Variants in ARHGAP22 observed in about 807,000 individuals in gnomAD.
ARHGAP22 encodes rho GTPase-activating protein 22.
A neutral mutation model predicts 59.1 loss-of-function variants in ARHGAP22; 48 were observed. That is an observed-to-expected ratio of 0.81 (90% CI 0.64 to 1.03). The LOEUF (loss-of-function observed/expected upper bound fraction) is 1.03, where lower values mean the gene tolerates loss of function less well. Among genes scored for constraint, ARHGAP22 ranks in the 50% least tolerant of loss-of-function variants. The probability of loss-of-function intolerance (pLI) is 0.00; values close to 1 mark genes in which losing one functional copy is unlikely to be tolerated. For missense variants in ARHGAP22, 1,015 were observed against 958.7 expected, an observed-to-expected ratio of 1.06 and a Z score of -0.78; for synonymous variants, 445 against 416.4, an observed-to-expected ratio of 1.07 and a Z score of -0.84.
At chr10:48,473,888 C>A (rs2048458328) in intron 4 of ARHGAP22, among the ~76,000 whole-genome samples, 1 of 152,206 alleles carries the variant, frequency 6.6e-6, no homozygotes, top group African/African-American at 2.4e-5. Flanking sequence ...GTTCAAGCAC[C>A]CACCAGATGC....
downstream of ARHGAP22, chr10:48,445,295 C>T (rs1373991843): frequency 6.6e-6 from 1 of 152,292 alleles, no homozygotes; most frequent in Non-Finnish European, 1.5e-5. Flanking sequence ...CCTGAACAAA[C>T]CCCTGCAGGT....
At chr10:48,558,681 ATAATG>A (rs532591266) in intron 2 of ARHGAP22, among the ~76,000 whole-genome samples, 24 of 152,208 alleles carry the variant, frequency 1.6e-4, no homozygotes, top group Admixed American at 9.8e-4. Flanking sequence ...TCAATTTCTA[ATAATG>A]TAAGTGTTCA....
intron 1 of ARHGAP22, among the ~76,000 whole-genome samples, chr10:48,587,870 A>G (rs571372361): frequency 3.9e-5 from 6 of 152,346 alleles, no homozygotes; most frequent in Non-Finnish European, 7.4e-5. Flanking sequence ...TCGGTAACTC[A>G]TCAGCACAGT....
chr10:48,560,959 T>A (rs2057650536), intron 2 of ARHGAP22, among the ~76,000 whole-genome samples: 1 of 152,128 alleles, frequency 6.6e-6, no homozygotes, highest in African/African-American at 2.4e-5. Flanking sequence ...CTATAGTGTC[T>A]TTGTCTTGTA....
chr10:48,468,926 T>C (rs2047474043), intron 4 of ARHGAP22, among the ~76,000 whole-genome samples: 1 of 152,136 alleles, frequency 6.6e-6, no homozygotes, highest in Non-Finnish European at 1.5e-5. Context: ...AAGGAATGTC[T>C]GCCCTCCACC....
downstream of ARHGAP22, among the ~76,000 whole-genome samples, chr10:48,442,626 A>G (rs111284950): frequency 0.015 from 2,293 of 150,900 alleles, 63 homozygotes; most frequent in African/African-American, 0.053. Context: ...GGCCACTGCC[A>G]CAGCCACCAC....
intron 1 of ARHGAP22, among the ~76,000 whole-genome samples, chr10:48,617,454 C>A (rs1235005270): frequency 6.6e-6 from 1 of 151,924 alleles, no homozygotes; most frequent in East Asian, 1.9e-4. Flanking sequence ...CATTTTAGGA[C>A]ATAAAACAAG....
In ARHGAP22 at chr10:48,451,072, C is replaced by G; in HGVS notation, c.1057G>C (p.Val353Leu). ...CGCGGGGAGGTGGGCCCTTCCGGGA[C>G]CGGTGCCGTGAAGAGCTGGCTGTGT... is the stretch of plus-strand genomic sequence containing the variant. ...RKHSQLFTAP[V>L]PEGPTSPRGG... The change falls in exon 9 of 10, where the codon GTC becomes CTC. Residue 353 changes from valine to leucine, a missense_variant. Physicochemically the swap from Val to Leu is conservative, Grantham distance 32. Coordinates refer to ENST00000249601, the MANE Select transcript of ARHGAP22 (RefSeq NM_021226.4). 6.4e-7 allele frequency: 1 copy of G among 1,552,548 alleles called. No individual in the cohort carries two copies.
intron 3 of ARHGAP22, among the ~76,000 whole-genome samples, chr10:48,493,169 G>T (rs2050572486): frequency 6.6e-6 from 1 of 152,226 alleles, no homozygotes; most frequent in South Asian, 2.1e-4. Context: ...ACACTCTCAG[G>T]CATCCTGAGA....
chr10:48,653,936 T>G (rs564288305), upstream of ARHGAP22, among the ~76,000 whole-genome samples: 49 of 152,344 alleles, frequency 3.2e-4, no homozygotes, highest in African/African-American at 8.7e-4. Context: ...GCTAAAAAGG[T>G]ATGTATAGTT....
chr10:48,616,054 T>C (rs1441829118), intron 1 of ARHGAP22, among the ~76,000 whole-genome samples: 1 of 152,198 alleles, frequency 6.6e-6, no homozygotes, highest in African/African-American at 2.4e-5. Context: ...TCTGCTTTAT[T>C]GTGCTTCACT....
At chr10:48,524,922 CA>C (rs2054192368) in intron 3 of ARHGAP22, among the ~76,000 whole-genome samples, 1 of 152,190 alleles carries the variant, frequency 6.6e-6, no homozygotes, top group South Asian at 2.1e-4. Context: ...GAGAAGATAA[CA>C]GAAACTGCTT....
chr10:48,619,470 A>G (rs1018342163), intron 1 of ARHGAP22, among the ~76,000 whole-genome samples: 2 of 152,242 alleles, frequency 1.3e-5, no homozygotes, highest in Non-Finnish European at 2.9e-5. Context: ...ACCAAAGAGC[A>G]TGATACTGGC....
At chr10:48,529,186 G>A (rs1292504867) in intron 3 of ARHGAP22, among the ~76,000 whole-genome samples, 1 of 152,190 alleles carries the variant, frequency 6.6e-6, no homozygotes, top group Non-Finnish European at 1.5e-5. Context: ...GGACTGGAAG[G>A]GGGAGACTGG....
At chr10:48,485,124 C>A (rs940431612) in intron 3 of ARHGAP22, among the ~76,000 whole-genome samples, 1 of 152,206 alleles carries the variant, frequency 6.6e-6, no homozygotes, top group Admixed American at 6.5e-5. Flanking sequence ...AGCCAGCCTG[C>A]AGGTTGTAGG....
intron 3 of ARHGAP22, among the ~76,000 whole-genome samples, chr10:48,497,788 G>C (rs1430061770): frequency 1.3e-5 from 2 of 152,150 alleles, no homozygotes; most frequent in Admixed American, 6.5e-5. Flanking sequence ...AGGCCCAGGG[G>C]CTCAATAAAC....
intron 3 of ARHGAP22, among the ~76,000 whole-genome samples, chr10:48,494,197 C>G (rs2050697675): frequency 6.6e-6 from 1 of 152,210 alleles, no homozygotes; most frequent in African/African-American, 2.4e-5. Context: ...AGCTGACGCT[C>G]CGTGAGCTTT....
chr10:48,555,366 C>T (rs1205072817), intron 3 of ARHGAP22, 97 bp downstream of exon 3: 21 of 1,193,600 alleles, frequency 1.8e-5, no homozygotes, highest in South Asian at 1.0e-4. Flanking sequence ...TGCTGTGGCT[C>T]CTGCGGGAGG....
intron 3 of ARHGAP22, among the ~76,000 whole-genome samples, chr10:48,540,816 G>A (rs775488662): frequency 2.6e-5 from 4 of 151,916 alleles, no homozygotes; most frequent in African/African-American, 9.7e-5. Flanking sequence ...AATTTATCAC[G>A]CACTTTTAAA....
Sources: allele counts gnomAD v4.1 joint callset (sites outside exome capture counted in the v4.1 genomes callset), GRCh38; gene constraint gnomAD v4.1.1; transcripts MANE v1.5; gene names NCBI Gene and HGNC (gene_info 2026-07-23, HGNC 2026-07-21).